L3MBTL1: variants seen among roughly 807,000 people sequenced by gnomAD.
The protein encoded by L3MBTL1 is L3MBTL histone methyl-lysine binding protein 1.
L3MBTL1 carries 75 observed loss-of-function variants against 105.3 expected under a neutral mutation model. The ratio of observed to expected loss-of-function variants is 0.71; its 90% CI spans 0.59 to 0.86. The LOEUF is 0.86. L3MBTL1 is among the 40% of genes least tolerant of loss of function. The probability of loss-of-function intolerance (pLI) is 0.00; values close to 1 mark genes in which losing one functional copy is unlikely to be tolerated. For missense variants in L3MBTL1, 1,069 were observed against 1,126.4 expected, an observed-to-expected ratio of 0.95 and a Z score of 0.73; for synonymous variants, 452 against 436.2, an observed-to-expected ratio of 1.04 and a Z score of -0.45.
chr20:43,532,974 G>T, intron 12 of L3MBTL1, 50 bp downstream of exon 12: 1 of 1,595,062 alleles, frequency 6.3e-7, no homozygotes. Context: ...GATGGCAGGG[G>T]GCAACTGCTT....
chr20:43,532,937 C>T lies in L3MBTL1; in HGVS notation c.1436+13C>T. On this transcript the variant is annotated intron_variant, in intron 12 of 21. Coordinates refer to ENST00000418998, the MANE Select transcript of L3MBTL1 (RefSeq NM_001377303.1). ...CTTATGACTACTGGTAGTAGGAGGG[C>T]CCAGACTTGGCCTCAGGGGGTGAGG... The T allele has an allele frequency of 1.2e-6, 2 of 1,614,008 alleles. No individual in the cohort carries two copies. Among genetic ancestry groups the T allele is most frequent in the African/African-American group, 1.3e-5 (1 of 75,012 alleles).
downstream of L3MBTL1, among the ~76,000 whole-genome samples, chr20:43,542,611 C>CAAAAAAAAAAAAAAAAAAAGAAA (rs2019959359): frequency 8.9e-6 from 1 of 112,668 alleles, no homozygotes; most frequent in Non-Finnish European, 1.8e-5. Flanking sequence ...AAAAATTTAA[C>CAAAAAAAAAAAAAAAAAAAGAAA]AAAAAAAAAA....
At chr20:43,515,214 A>G in intron 5 of L3MBTL1, 55 bp downstream of exon 5, 10 of 1,613,928 alleles carry the variant, frequency 6.2e-6, no homozygotes, top group Non-Finnish European at 8.5e-6. Flanking sequence ...CCAAAGCCTC[A>G]TTCCTGTTCA....
In L3MBTL1 at chr20:43,536,274, G is replaced by A. The variant is rs781428977; in HGVS notation, c.2103G>A (p.Lys701=). ...KKNLSGFSPR[K]KPRHHGRIGR... Reference sequence around the variant, plus strand: ...ACCTCTCAGGCTTCTCCCCAAGGAAGAAGCCTCGCCATCACGGCCGGTATG... The same window carrying A: ...ACCTCTCAGGCTTCTCCCCAAGGAAAAAGCCTCGCCATCACGGCCGGTATG... The change falls in exon 18 of 22, where the codon AAG becomes AAA. Residue 701 remains lysine, a synonymous_variant. Transcript: ENST00000418998. 2 of 1,612,388 alleles carry A rather than the reference G, an allele frequency of 1.2e-6. No homozygotes were observed. Among genetic ancestry groups the A allele is most frequent in the East Asian group, 4.5e-5 (2 of 44,852 alleles).
chr20:43,512,521 A>G (rs999886849), intron 1 of L3MBTL1, among the ~76,000 whole-genome samples: 2 of 152,202 alleles, frequency 1.3e-5, no homozygotes, highest in Non-Finnish European at 2.9e-5. Flanking sequence ...TCTGGTCACT[A>G]TTTAAATTTA....
In L3MBTL1 at chr20:43,514,971, A is replaced by G. The variant is rs761649685; in HGVS notation, c.503-38A>G. 3 of 1,604,120 alleles carry G rather than the reference A, an allele frequency of 1.9e-6. No homozygotes were observed. In the South Asian group the frequency reaches 3.3e-5, roughly 18 times the overall value. ...TGGGCGGAGCCTGAGTGTGGCTGCGATGGGGAGGGAGGCCTGAGGCCCATT... is the reference window on the plus strand; with the variant it reads ...TGGGCGGAGCCTGAGTGTGGCTGCGGTGGGGAGGGAGGCCTGAGGCCCATT... On this transcript the variant is annotated intron_variant, in intron 4 of 21. Coordinates refer to ENST00000418998, the MANE Select transcript of L3MBTL1 (RefSeq NM_001377303.1).
intron 7 of L3MBTL1, among the ~76,000 whole-genome samples, chr20:43,527,314 G>A (rs1600928275): frequency 6.6e-6 from 1 of 152,360 alleles, no homozygotes; most frequent in East Asian, 1.9e-4. Context: ...CTTGTGAGTT[G>A]TTACGTCTTT....
chr20:43,526,687 C>T (rs1188581239), intron 7 of L3MBTL1, among the ~76,000 whole-genome samples: 2 of 152,150 alleles, frequency 1.3e-5, no homozygotes, highest in Non-Finnish European at 2.9e-5. Flanking sequence ...AGGCCGAGTG[C>T]GGTGGTTCAT....
At chr20:43,547,550 A>G (rs1262048136) in intron 18 of L3MBTL1, among the ~76,000 whole-genome samples, 3 of 152,028 alleles carry the variant, frequency 2.0e-5, no homozygotes, top group Admixed American at 2.0e-4. Context: ...ACTTAGGTTA[A>G]ATTTCTCACT....
At position 43,534,354 on chromosome 20, in the gene L3MBTL1, G is replaced by T. The variant is rs563728202; in HGVS notation, c.1670G>T (p.Arg557Leu). 1 of 1,614,134 alleles carries T rather than the reference G, an allele frequency of 6.2e-7. No individual in the cohort carries two copies. The highest frequency in any genetic ancestry group is 2.2e-5 in the East Asian group (1 of 44,878). The change falls in exon 15 of 22, where the codon CGC becomes CTC. Residue 557 changes from arginine (R) to leucine (L), a missense_variant. By Grantham distance (102) the Arg-to-Leu change is moderately radical. Coordinates refer to ENST00000418998, the MANE Select transcript of L3MBTL1 (RefSeq NM_001377303.1). ...AVDRRNPALI[R>L]VASVEDVEDH... ...GACCGCAGGAACCCAGCCCTGATTCGCGTGGCCAGCGTGGAGGATGTGGAG... is the reference window on the plus strand; with the variant it reads ...GACCGCAGGAACCCAGCCCTGATTCTCGTGGCCAGCGTGGAGGATGTGGAG...
rs756346280 is a variant in L3MBTL1 at position 43,513,994 on chromosome 20, G to A, written c.293G>A (p.Ser98Asn). 6.5e-7 allele frequency: 1 copy of A among 1,544,082 alleles called. No individual in the cohort carries two copies. Among genetic ancestry groups the A allele is most frequent in the East Asian group, 2.4e-5 (1 of 40,904 alleles). Residue 98 changes from serine (S) to asparagine (N), a missense_variant, in exon 3 of 22, where the codon AGC becomes AAC. Transcript: ENST00000418998. ...CTTAGCGCCGGGCCGGCCAGCTCCA[G>A]CACCAGCACAGTGCGGCTTCTGGAA... ...PQLSAGPASS[S>N]TSTVRLLEWT...
At chr20:43,515,259 G>T (rs1271164154) in intron 5 of L3MBTL1, 33 bp from the exon 6 acceptor site, 2 of 1,611,794 alleles carry the variant, frequency 1.2e-6, no homozygotes, top group African/African-American at 1.3e-5. Flanking sequence ...TGCAGGGCGG[G>T]TGGTTCTTTC....
intron 15 of L3MBTL1, 63 bp downstream of exon 15, chr20:43,534,457 G>C: frequency 7.6e-7 from 1 of 1,308,890 alleles, no homozygotes. Flanking sequence ...TCTGTAGACT[G>C]TTTAGAGGTC....
chr20:43,529,463 T>C, intron 9 of L3MBTL1, 95 bp downstream of exon 9: 1 of 840,110 alleles, frequency 1.2e-6, no homozygotes. Flanking sequence ...CTCCCTCCCC[T>C]CAGAGCACAC....
At chr20:43,530,563 T>C in intron 10 of L3MBTL1, 144 bp downstream of exon 10, 1 of 1,002,806 alleles carries the variant, frequency 1.0e-6, no homozygotes. Flanking sequence ...CGCATCCTGA[T>C]GACTCTGCGC....
intron 7 of L3MBTL1, among the ~76,000 whole-genome samples, chr20:43,523,931 G>T (rs571854463): frequency 6.7e-6 from 1 of 148,726 alleles, no homozygotes; most frequent in South Asian, 2.1e-4. Flanking sequence ...GGAGGCGGAG[G>T]TTGCAGTGAG....
At chr20:43,536,652 A>G (rs533676241) in intron 19 of L3MBTL1, among the ~76,000 whole-genome samples, 194 bp downstream of exon 19, 6 of 152,244 alleles carry the variant, frequency 3.9e-5, no homozygotes, top group African/African-American at 1.4e-4. Flanking sequence ...CTTGGGTTCC[A>G]ATCTCATGTC....
At chr20:43,531,089 G>A (rs934659704) in intron 11 of L3MBTL1, 200 bp downstream of exon 11, 7 of 573,834 alleles carry the variant, frequency 1.2e-5, no homozygotes, top group Admixed American at 3.4e-5. Context: ...GGTTTTTCCC[G>A]ACTTCCCTCC....
At chr20:43,520,129 C>G (rs2145406810) in intron 7 of L3MBTL1, among the ~76,000 whole-genome samples, 1 of 152,214 alleles carries the variant, frequency 6.6e-6, no homozygotes, top group Admixed American at 6.5e-5. Context: ...CCAGATTTGC[C>G]TATTTTGGAC....
Sources: allele counts gnomAD v4.1 joint callset (sites outside exome capture counted in the v4.1 genomes callset), GRCh38; gene constraint gnomAD v4.1.1; transcripts MANE v1.5; gene names NCBI Gene and HGNC (gene_info 2026-07-23, HGNC 2026-07-21).